Variants in LRP1B observed in about 807,000 individuals in gnomAD.
LRP1B encodes the protein low-density lipoprotein receptor-related protein 1B.
In LRP1B, 217 loss-of-function variants were observed where a neutral mutation model predicts 556.6. The ratio of observed to expected loss-of-function variants is 0.39; its 90% CI spans 0.35 to 0.44. The LOEUF (loss-of-function observed/expected upper bound fraction) is 0.44. Ranked by LOEUF, LRP1B falls within the 20% of genes least tolerant of loss-of-function variation. LRP1B has a pLI of 1.00. For missense variants in LRP1B, 5,053 were observed against 5,620.8 expected, an observed-to-expected ratio of 0.90 and a Z score of 3.23; for synonymous variants, 2,047 against 1,865.8, an observed-to-expected ratio of 1.10 and a Z score of -2.50.
In LRP1B at chr2:141,062,078, A is replaced by C; in HGVS notation, c.1209T>G (p.Asn403Lys). The C allele has an allele frequency of 6.2e-7, 1 of 1,611,800 alleles. No homozygotes were observed. Among genetic ancestry groups the C allele is most frequent in the Non-Finnish European group, 8.5e-7 (1 of 1,178,552 alleles). Residue 403 changes from asparagine to lysine, a missense_variant, in exon 8 of 91, where the codon AAT becomes AAG. Coordinates refer to ENST00000389484, the MANE Select transcript of LRP1B (RefSeq NM_018557.3). ...YVGVVDYQGK[N>K]RHTVIQGRQV... Reference sequence around the variant, plus strand: ...GTCTGCCTTGAATGACAGTGTGTCTATTTTTTCCTTGATAGTCCACTACTC... The same window carrying C: ...GTCTGCCTTGAATGACAGTGTGTCTCTTTTTTCCTTGATAGTCCACTACTC...
intron 1 of LRP1B, among the ~76,000 whole-genome samples, chr2:142,042,867 A>C (rs1357764769): frequency 6.6e-6 from 1 of 151,536 alleles, no homozygotes; most frequent in Non-Finnish European, 1.5e-5. Flanking sequence ...ATCAGATGAG[A>C]TACATTAACC....
intron 3 of LRP1B, 30 bp downstream of exon 3, chr2:141,480,366 T>A: frequency 6.2e-7 from 1 of 1,612,762 alleles, no homozygotes; most frequent in Non-Finnish European, 8.5e-7. Flanking sequence ...ATTTAATATT[T>A]CAGTTGCATT....
Position 142,087,757 on chromosome 2 carries a change from T to C in LRP1B, c.82+42891A>G, listed in dbSNP as rs547235650. Among the ~76,000 whole-genome samples the C allele has an allele frequency of 2.4e-4, 36 of 152,122 alleles. 1 individual carries two copies. In the South Asian group the frequency reaches 7.3e-3, roughly 31 times the overall value. ...TTTGTAAATACCACTGTACTGAATA[T>C]AGCAGCTTTCCTTAAGCCTAAGAAC... On this transcript the variant is annotated intron_variant, in intron 1 of 90. Transcript: ENST00000389484.
intron 2 of LRP1B, among the ~76,000 whole-genome samples, chr2:141,634,325 C>A (rs1689021886): frequency 6.6e-6 from 1 of 151,706 alleles, no homozygotes; most frequent in Non-Finnish European, 1.5e-5. Flanking sequence ...AAAACCAAAG[C>A]TATAAAAACT....
intron 23 of LRP1B, among the ~76,000 whole-genome samples, chr2:140,897,529 G>A (rs1351826871): frequency 1.3e-5 from 2 of 152,190 alleles, no homozygotes; most frequent in Admixed American, 6.5e-5. Flanking sequence ...GTGTGTCTGT[G>A]AGGCTGTTGC....
chr2:140,804,707 GT>G (rs1690652739), intron 32 of LRP1B, among the ~76,000 whole-genome samples: 1 of 78,014 alleles, frequency 1.3e-5, no homozygotes, highest in Non-Finnish European at 2.4e-5. Context: ...ATTTTTTTCA[GT>G]TATCGGAGAG....
intron 2 of LRP1B, among the ~76,000 whole-genome samples, chr2:141,638,586 CCGAG>C (rs1232182270): frequency 1.7e-5 from 2 of 117,498 alleles, no homozygotes; most frequent in Admixed American, 1.7e-4. Context: ...ACACTGGAGG[CCGAG>C]ACCAGGCAAA....
At chr2:140,679,781 C>A (rs189310492) in intron 41 of LRP1B, among the ~76,000 whole-genome samples, 1 of 152,192 alleles carries the variant, frequency 6.6e-6, no homozygotes, top group African/African-American at 2.4e-5. Flanking sequence ...ACCAAGATCC[C>A]ACCTGGGTTT....
At chr2:140,422,289 C>T (rs1685479589) in intron 66 of LRP1B, among the ~76,000 whole-genome samples, 1 of 152,102 alleles carries the variant, frequency 6.6e-6, no homozygotes, top group African/African-American at 2.4e-5. Flanking sequence ...GTTTCTAAAA[C>T]TGGGGATAAG....
intron 7 of LRP1B, among the ~76,000 whole-genome samples, chr2:141,074,642 A>ATT (rs1226823790): frequency 6.7e-6 from 1 of 148,296 alleles, no homozygotes; most frequent in East Asian, 2.0e-4. Flanking sequence ...TATATTACAT[A>ATT]TATAATTTTT....
At chr2:140,777,507 C>T (rs1689540932) in intron 32 of LRP1B, among the ~76,000 whole-genome samples, 1 of 152,062 alleles carries the variant, frequency 6.6e-6, no homozygotes, top group Admixed American at 6.6e-5. Flanking sequence ...AAGGAAGATA[C>T]CAAGTGAAAA....
In LRP1B at chr2:141,893,625, T is replaced by A. The variant is rs1699355568; in HGVS notation, c.83-83224A>T. 1.3e-5 allele frequency among the ~76,000 whole-genome samples: 2 copies of A among 152,154 alleles called. 1 individual carries two copies. Among genetic ancestry groups the A allele is most frequent in the South Asian group, 4.1e-4 (2 of 4,830 alleles). On this transcript the variant is annotated intron_variant, in intron 1 of 90. Transcript: ENST00000389484. ...TCTAGCTATTGCCAAATGGATGAAG[T>A]CATAAAATCCAGGAAGCAGGTAAGC...
intron 2 of LRP1B, among the ~76,000 whole-genome samples, chr2:141,544,395 TCCTCCTCCTCCTCCTCC>T: frequency 8.6e-6 from 1 of 116,302 alleles, no homozygotes; most frequent in Admixed American, 9.2e-5. Context: ...CTCCTCCTCC[TCCTCCTCCTCCTCCTCC>T]TTCTCCTCCT....
chr2:142,018,675 C>T (rs1244210238), intron 1 of LRP1B, among the ~76,000 whole-genome samples: 1 of 151,976 alleles, frequency 6.6e-6, no homozygotes, highest in African/African-American at 2.4e-5. Context: ...ATGAGTTAGA[C>T]TTTTATCCAT....
chr2:141,425,189 G>C (rs185369301), intron 3 of LRP1B, among the ~76,000 whole-genome samples: 3 of 151,662 alleles, frequency 2.0e-5, no homozygotes, highest in African/African-American at 7.3e-5. Context: ...CTGTCCTTGC[G>C]ATAGTTTACT....
At chr2:142,045,265 A>G (rs1704216907) in intron 1 of LRP1B, among the ~76,000 whole-genome samples, 1 of 151,846 alleles carries the variant, frequency 6.6e-6, no homozygotes, top group Non-Finnish European at 1.5e-5. Context: ...TTCTACTTTT[A>G]AATCACTTCT....
intron 41 of LRP1B, among the ~76,000 whole-genome samples, chr2:140,690,605 C>A (rs1686203185): frequency 6.6e-6 from 1 of 152,176 alleles, no homozygotes; most frequent in African/African-American, 2.4e-5. Context: ...GGAAGCCAGA[C>A]TGAAACTAAT....
At chr2:141,185,046 A>T (rs1681180873) in intron 7 of LRP1B, among the ~76,000 whole-genome samples, 3 of 152,090 alleles carry the variant, frequency 2.0e-5, no homozygotes, top group Non-Finnish European at 4.4e-5. Context: ...TAATGGTATC[A>T]CAAGTGTTGA....
At chr2:140,319,256 T>G (rs1241992611) in intron 82 of LRP1B, among the ~76,000 whole-genome samples, 1 of 150,894 alleles carries the variant, frequency 6.6e-6, no homozygotes, top group Non-Finnish European at 1.5e-5. Flanking sequence ...GTCTGAAACT[T>G]GACTCTAAAC....
Sources: gnomAD v4.1 joint callset for allele counts (sites outside exome capture counted in the v4.1 genomes callset) on GRCh38, gnomAD v4.1.1 for gene constraint, MANE v1.5 for transcripts, NCBI Gene and HGNC (gene_info 2026-07-23, HGNC 2026-07-21) for gene names.